The following INPP4B variants were observed in gnomAD, a reference collection of about 807,000 sequenced individuals.
INPP4B encodes the protein inositol polyphosphate 4-phosphatase type II.
A neutral mutation model predicts 122.5 loss-of-function variants in INPP4B; 55 were observed. That is an observed-to-expected ratio of 0.45 (90% CI 0.36 to 0.56). The LOEUF is 0.56. Ranked by LOEUF, INPP4B falls within the 20% of genes least tolerant of loss-of-function variation. The probability of loss-of-function intolerance (pLI) is 0.00; values close to 1 mark genes in which losing one functional copy is unlikely to be tolerated. For missense variants in INPP4B, 1,000 were observed against 1,097.7 expected, an observed-to-expected ratio of 0.91 and a Z score of 1.26; for synonymous variants, 403 against 388.7, an observed-to-expected ratio of 1.04 and a Z score of -0.43.
intron 1 of INPP4B, among the ~76,000 whole-genome samples, chr4:142,727,463 C>T (rs1338829863): frequency 6.8e-6 from 1 of 147,478 alleles, no homozygotes; most frequent in Non-Finnish European, 1.5e-5. Context: ...GGAAACACAT[C>T]TGTGGACAAT....
At chr4:142,325,388 A>G (rs868844095) in intron 7 of INPP4B, among the ~76,000 whole-genome samples, 48 of 152,344 alleles carry the variant, frequency 3.2e-4, no homozygotes, top group African/African-American at 9.9e-4. Context: ...TTACAAATGC[A>G]TAATGACAGG....
intron 1 of INPP4B, among the ~76,000 whole-genome samples, chr4:142,741,568 A>T (rs893809037): frequency 6.6e-5 from 10 of 152,026 alleles, no homozygotes; most frequent in African/African-American, 2.4e-4. Flanking sequence ...GAATAATAGG[A>T]TATTAAAACC....
intron 2 of INPP4B, among the ~76,000 whole-genome samples, chr4:142,650,616 GACAA>G (rs1454587208): frequency 6.6e-6 from 1 of 150,702 alleles, no homozygotes; most frequent in Admixed American, 6.6e-5. Context: ...GATCAAAAGA[GACAA>G]AGAAGGCCAT....
At chr4:142,353,695 T>A (rs1782680828) in intron 7 of INPP4B, among the ~76,000 whole-genome samples, 1 of 152,036 alleles carries the variant, frequency 6.6e-6, no homozygotes, top group African/African-American at 2.4e-5. Flanking sequence ...ATAAATATTG[T>A]ACAAAGGAAT....
At chr4:142,242,630 GC>G (rs1860029605) in intron 11 of INPP4B, among the ~76,000 whole-genome samples, 1 of 152,146 alleles carries the variant, frequency 6.6e-6, no homozygotes, top group South Asian at 2.1e-4. Context: ...TTGCCAGTAT[GC>G]CTCTGATCAA....
chr4:142,381,631 T>C (rs1794126165), intron 7 of INPP4B, among the ~76,000 whole-genome samples: 1 of 152,170 alleles, frequency 6.6e-6, no homozygotes, highest in Non-Finnish European at 1.5e-5. Context: ...GCCTCTAGAT[T>C]GTACAAATAG....
At chr4:142,724,495 C>G (rs1021886611) in intron 2 of INPP4B, among the ~76,000 whole-genome samples, 12 of 152,130 alleles carry the variant, frequency 7.9e-5, no homozygotes, top group Admixed American at 1.3e-4. Flanking sequence ...CACAGCTCAG[C>G]TTCAACCTCT....
chr4:142,033,578 C>T (rs1187164862), intron 25 of INPP4B, among the ~76,000 whole-genome samples: 1 of 152,002 alleles, frequency 6.6e-6, no homozygotes, highest in Non-Finnish European at 1.5e-5. Context: ...GGGTCACTTT[C>T]ATACATGGTT....
At chr4:142,576,379 T>C (rs1347976897) in intron 2 of INPP4B, among the ~76,000 whole-genome samples, 1 of 151,992 alleles carries the variant, frequency 6.6e-6, no homozygotes, top group Non-Finnish European at 1.5e-5. Context: ...ACCTCAACAT[T>C]ATGCAATCTA....
At chr4:142,725,628 A>G (rs925644798) in intron 2 of INPP4B, among the ~76,000 whole-genome samples, 1 of 152,158 alleles carries the variant, frequency 6.6e-6, no homozygotes, top group South Asian at 2.1e-4. Flanking sequence ...ACCATTACCC[A>G]CAATGTTTTG....
At chr4:142,504,278 G>T (rs904044158) in intron 2 of INPP4B, among the ~76,000 whole-genome samples, 1 of 151,936 alleles carries the variant, frequency 6.6e-6, no homozygotes, top group African/African-American at 2.4e-5. Flanking sequence ...TACCAAGAGG[G>T]AAATTCAAAT....
In INPP4B at chr4:142,258,060, C is replaced by T. The variant is rs191987689; in HGVS notation, c.688+2432G>A. ...CAGAAATAACGCCGCAAATCTACAA[C>T]TATCTGATCTTTGACAAACCTGAGA... On this transcript the variant is annotated intron_variant, in intron 11 of 25. Transcript: ENST00000262992. 4.9e-3 allele frequency among the ~76,000 whole-genome samples: 744 copies of T among 152,088 alleles called. 10 individuals are homozygous for T. The highest frequency in any genetic ancestry group is 0.017 in the African/African-American group (711 of 41,512).
chr4:142,398,397 AAAAAATATATATATAT>A (rs1800229643), intron 7 of INPP4B, among the ~76,000 whole-genome samples: 1 of 20,998 alleles, frequency 4.8e-5, no homozygotes, highest in African/African-American at 1.5e-4. Context: ...AAAAAAAAAA[AAAAAATATATATATAT>A]ATATATATAT....
At chr4:142,612,451 G>A (rs1251682705) in intron 2 of INPP4B, among the ~76,000 whole-genome samples, 3 of 152,056 alleles carry the variant, frequency 2.0e-5, no homozygotes, top group East Asian at 1.9e-4. Context: ...ACATGCCATA[G>A]ACTAAGTAGT....
intron 5 of INPP4B, among the ~76,000 whole-genome samples, chr4:142,428,775 G>T (rs972416672): frequency 6.6e-6 from 1 of 151,980 alleles, no homozygotes; most frequent in Non-Finnish European, 1.5e-5. Context: ...AGAGAAATGG[G>T]CAAGAATCCT....
intron 12 of INPP4B, among the ~76,000 whole-genome samples, chr4:142,228,847 A>T (rs1344419411): frequency 6.6e-6 from 1 of 151,860 alleles, no homozygotes; most frequent in East Asian, 1.9e-4. Flanking sequence ...CAGTTTCCAC[A>T]TAAGCATTTA....
At chr4:142,665,074 G>T (rs951907750) in intron 2 of INPP4B, among the ~76,000 whole-genome samples, 9 of 152,186 alleles carry the variant, frequency 5.9e-5, no homozygotes, top group Non-Finnish European at 8.8e-5. Context: ...AAAACGTACA[G>T]TTAAAATATG....
At chr4:142,226,816 G>C (rs1227594573) in intron 12 of INPP4B, among the ~76,000 whole-genome samples, 1 of 152,138 alleles carries the variant, frequency 6.6e-6, no homozygotes, top group African/African-American at 2.4e-5. Flanking sequence ...TGATAAAGTA[G>C]AATGTGGTTA....
intron 1 of INPP4B, among the ~76,000 whole-genome samples, chr4:142,785,822 G>A (rs1304538977): frequency 2.6e-5 from 4 of 152,050 alleles, no homozygotes; most frequent in Non-Finnish European, 5.9e-5. Flanking sequence ...AGGAAGCTCA[G>A]AGAACACCAA....
Sources: allele counts gnomAD v4.1 joint callset (sites outside exome capture counted in the v4.1 genomes callset), GRCh38; gene constraint gnomAD v4.1.1; transcripts MANE v1.5; gene names NCBI Gene and HGNC (gene_info 2026-07-23, HGNC 2026-07-21).